WFDC1: variants seen among roughly 807,000 people sequenced by gnomAD.
The protein encoded by WFDC1 is WAP four-disulfide core domain protein 1.
In WFDC1, 39 loss-of-function variants were observed where a neutral mutation model predicts 32.9. The observed-to-expected ratio is 1.19, with a 90% confidence interval of 0.92 to 1.55. The LOEUF (loss-of-function observed/expected upper bound fraction) is 1.55, where lower values mean the gene tolerates loss of function less well. Among genes scored for constraint, WFDC1 ranks in the 40% most tolerant of loss-of-function variants. The pLI, the probability that WFDC1 is intolerant of heterozygous loss-of-function variation, is 0.00. For missense variants in WFDC1, 386 were observed against 309.5 expected (o/e 1.25, Z -1.85); for synonymous variants, 184 against 137.4 (o/e 1.34, Z -2.37).
At chr16:84,315,759 C>T (rs372181081) in intron 2 of WFDC1, among the ~76,000 whole-genome samples, 1 of 152,324 alleles carries the variant, frequency 6.6e-6, no homozygotes, top group African/African-American at 2.4e-5. Flanking sequence ...GGAACAAAAT[C>T]GCTCTGCATT....
chr16:84,319,100 TC>T, intron 3 of WFDC1: 5 of 373,380 alleles, frequency 1.3e-5, no homozygotes, highest in Non-Finnish European at 2.4e-5. Context: ...AATGTCTGTG[TC>T]CCCATGCGAC....
chr16:84,295,128 G>A lies in WFDC1; in HGVS notation c.144+13G>A. 6.2e-7 allele frequency: 1 copy of A among 1,613,230 alleles called. No individual in the cohort carries two copies. The highest frequency in any genetic ancestry group is 8.5e-7 in the Non-Finnish European group (1 of 1,179,508). On this transcript the variant is annotated intron_variant, in intron 1 of 6. Transcript: ENST00000219454. ...CGAGAAATCCCGTGTAAGTGCCTGGGATGGGGAGGCTGGGGCAGCCTGTGT... is the reference window on the plus strand; with the variant it reads ...CGAGAAATCCCGTGTAAGTGCCTGGAATGGGGAGGCTGGGGCAGCCTGTGT...
chr16:84,306,769 T>TTCA lies in WFDC1; in HGVS notation c.145-6173_145-6171dup, dbSNP rs56850546. 8.6e-4 allele frequency among the ~76,000 whole-genome samples: 130 copies of TTCA among 151,480 alleles called. 1 individual carries two copies. Among genetic ancestry groups the TTCA allele is most frequent in the African/African-American group, 2.5e-3 (102 of 41,270 alleles). ...TGTGTTGACCACCATCATCCTCATC[T>TTCA]TCATCATCATCATCATCATCACAGC... On this transcript the variant is annotated intron_variant, in intron 1 of 6. Transcript: ENST00000219454.
chr16:84,305,592 C>T (rs576932742), intron 1 of WFDC1, among the ~76,000 whole-genome samples: 21 of 152,166 alleles, frequency 1.4e-4, no homozygotes, highest in African/African-American at 5.1e-4. Flanking sequence ...AGATGGTGGG[C>T]GTTCACTAAA....
chr16:84,326,855 C>T, intron 5 of WFDC1, 27 bp from the exon 6 acceptor site: 1 of 1,613,710 alleles, frequency 6.2e-7, no homozygotes, highest in Non-Finnish European at 8.5e-7. Context: ...ATACATCTAC[C>T]CCAACAGAGC....
chr16:84,305,451 G>T (rs565490009), intron 1 of WFDC1, among the ~76,000 whole-genome samples: 9 of 152,346 alleles, frequency 5.9e-5, no homozygotes, highest in African/African-American at 2.2e-4. Context: ...ATCCAGAAAT[G>T]ATGAGGTTAT....
intron 4 of WFDC1, 101 bp from the exon 5 acceptor site, chr16:84,324,318 G>C: frequency 9.4e-7 from 1 of 1,059,850 alleles, no homozygotes. Context: ...TAGTGAGATG[G>C]GGAGACTGAA....
intron 1 of WFDC1, among the ~76,000 whole-genome samples, chr16:84,300,041 C>T (rs536841703): frequency 1.7e-4 from 26 of 152,358 alleles, no homozygotes; most frequent in African/African-American, 5.3e-4. Context: ...TCTTGAGAGC[C>T]TTCCAAACAT....
intron 1 of WFDC1, among the ~76,000 whole-genome samples, chr16:84,309,189 G>A (rs941399984): frequency 1.1e-4 from 16 of 152,086 alleles, no homozygotes; most frequent in African/African-American, 3.6e-4. Context: ...GAGGAGGGAG[G>A]GCAGTTTGCT....
At chr16:84,303,751 C>T (rs1028682341) in intron 1 of WFDC1, among the ~76,000 whole-genome samples, 8 of 152,186 alleles carry the variant, frequency 5.3e-5, no homozygotes, top group African/African-American at 9.7e-5. Context: ...GTCATGCAAC[C>T]GTCCTAACTG....
intron 1 of WFDC1, among the ~76,000 whole-genome samples, chr16:84,309,182 G>C (rs1907460344): frequency 6.6e-6 from 1 of 152,146 alleles, no homozygotes; most frequent in Non-Finnish European, 1.5e-5. Flanking sequence ...GCGAGGGGAG[G>C]AGGGAGGGCA....
chr16:84,324,371 G>A (rs1404078254), intron 4 of WFDC1, 48 bp from the exon 5 acceptor site: 3 of 1,572,028 alleles, frequency 1.9e-6, no homozygotes, highest in East Asian at 2.2e-5. Flanking sequence ...AACAGTTTTG[G>A]CCTTCTAAAC....
rs1908061187 is a variant in WFDC1 at position 84,318,041 on chromosome 16, A to C, written c.338-231A>C. On this transcript the variant is annotated intron_variant, in intron 2 of 6. Coordinates refer to ENST00000219454, the MANE Select transcript of WFDC1 (RefSeq NM_021197.4). Reference sequence around the variant, plus strand: ...TGGTCACTGCTGCTCACATCTTTGTAGCTGCAAGGGAGGCAGGGAAGGCTA... The same window carrying C: ...TGGTCACTGCTGCTCACATCTTTGTCGCTGCAAGGGAGGCAGGGAAGGCTA... The C allele has an allele frequency of 8.1e-6, 4 of 494,756 alleles. No individual in the cohort carries two copies. The East Asian group carries it at 1.4e-4, about 18-fold the overall frequency. 30.6% of individuals were successfully genotyped at this position (494,756 alleles called of 1,614,324 possible).
chr16:84,300,894 T>C (rs61219417), intron 1 of WFDC1, among the ~76,000 whole-genome samples: 6,563 of 151,680 alleles, frequency 0.043, 430 homozygotes, highest in African/African-American at 0.14. Flanking sequence ...CACTTGAACC[T>C]GGGAGGCGAG....
At chr16:84,298,308 T>C (rs945738876) in intron 1 of WFDC1, among the ~76,000 whole-genome samples, 2 of 151,996 alleles carry the variant, frequency 1.3e-5, no homozygotes, top group Non-Finnish European at 2.9e-5. Flanking sequence ...GGGGTTTTGC[T>C]GGTCTCAAAC....
chr16:84,313,268 G>T (rs1271827766), intron 2 of WFDC1, 115 bp downstream of exon 2: 4 of 1,035,524 alleles, frequency 3.9e-6, no homozygotes, highest in Non-Finnish European at 5.0e-6. Flanking sequence ...GGCGGGTCTC[G>T]GGCGCCTCCA....
chr16:84,295,346 C>A, intron 1 of WFDC1: 3 of 526,202 alleles, frequency 5.7e-6, no homozygotes, highest in South Asian at 3.2e-5. Flanking sequence ...CACAAATGTG[C>A]CAAAGAATCG....
chr16:84,298,205 T>A (rs976180730), intron 1 of WFDC1, among the ~76,000 whole-genome samples: 1 of 152,006 alleles, frequency 6.6e-6, no homozygotes, highest in Non-Finnish European at 1.5e-5. Flanking sequence ...CCTCCCCGGC[T>A]CAAGTGATTC....
At chr16:84,300,582 G>A (rs759131926) in intron 1 of WFDC1, among the ~76,000 whole-genome samples, 5 of 152,120 alleles carry the variant, frequency 3.3e-5, no homozygotes, top group Admixed American at 1.3e-4. Context: ...GACCTTTTTT[G>A]GAAACAGGTT....
Sources: gnomAD v4.1 joint callset for allele counts (sites outside exome capture counted in the v4.1 genomes callset) on GRCh38, gnomAD v4.1.1 for gene constraint, MANE v1.5 for transcripts, NCBI Gene and HGNC (gene_info 2026-07-23, HGNC 2026-07-21) for gene names.